The following MLLT3 variants were observed in gnomAD, a reference collection of about 807,000 sequenced individuals.
MLLT3 encodes the protein MLLT3 super elongation complex subunit, also known as protein AF-9.
In MLLT3, 4 loss-of-function variants were observed where a neutral mutation model predicts 53.2. The observed-to-expected ratio is 0.08, with a 90% CI of 0.04 to 0.17. The LOEUF (loss-of-function observed/expected upper bound fraction) is 0.17, where lower values mean the gene tolerates loss of function less well. Ranked by LOEUF, MLLT3 falls within the 10% of genes least tolerant of loss-of-function variation. The pLI is 1.00. For synonymous variants in MLLT3, 283 were observed against 230.6 expected (o/e 1.23, Z -2.06); for missense variants, 569 against 684.0 (o/e 0.83, Z 1.87).
chr9:20,344,692 C>T lies in MLLT3; in HGVS notation c.*1751G>A, dbSNP rs967960715. ...TAATTTTTTAAAGGAAAAATAGTTT[C>T]TTTGGATAGAAAGAAACAGTGTAAA... On this transcript the variant is annotated 3_prime_UTR_variant, in exon 11 of 11. Coordinates refer to ENST00000380338, the MANE Select transcript of MLLT3 (RefSeq NM_004529.4). 4.8e-6 allele frequency: 1 copy of T among 206,604 alleles called. No individual in the cohort carries two copies. The highest frequency in any genetic ancestry group is 2.3e-5 in the African/African-American group (1 of 43,904). The allele number at this position is 206,604 out of a possible 1,614,324, so 12.8% of individuals were successfully genotyped here.
chr9:20,421,831 A>G (rs1273238801), intron 4 of MLLT3, among the ~76,000 whole-genome samples: 2 of 152,174 alleles, frequency 1.3e-5, no homozygotes, highest in African/African-American at 4.8e-5. Context: ...CAACCCATCA[A>G]TTGGCAGAGA....
In MLLT3 at chr9:20,524,619, T is replaced by A. The variant is rs930774206; in HGVS notation, c.194-67833A>T. 6.6e-5 allele frequency among the ~76,000 whole-genome samples: 10 copies of A among 152,276 alleles called. No individual in the cohort carries two copies. The South Asian group carries it at 1.5e-3, about 22-fold the overall frequency. On this transcript the variant is annotated intron_variant, in intron 2 of 10. Transcript: ENST00000380338. Reference sequence around the variant, plus strand: ...GCAATTCTCCCAGAAATAACATTTTTAAATAAAAATAGTAAATAAAAATTA... The same window carrying A: ...GCAATTCTCCCAGAAATAACATTTTAAAATAAAAATAGTAAATAAAAATTA...
chr9:20,357,307 A>C (rs1442084242), intron 8 of MLLT3, among the ~76,000 whole-genome samples: 1 of 152,204 alleles, frequency 6.6e-6, no homozygotes, highest in Non-Finnish European at 1.5e-5. Context: ...TTTTTGTTTG[A>C]AATTCACATA....
intron 2 of MLLT3, among the ~76,000 whole-genome samples, chr9:20,541,483 T>C (rs1040467256): frequency 3.3e-5 from 5 of 152,188 alleles, no homozygotes; most frequent in Admixed American, 6.5e-5. Flanking sequence ...CTTACAATCA[T>C]GGCAGAGAGA....
intron 2 of MLLT3, among the ~76,000 whole-genome samples, chr9:20,563,334 A>G (rs1819266159): frequency 6.6e-6 from 1 of 152,046 alleles, no homozygotes; most frequent in Non-Finnish European, 1.5e-5. Context: ...CAGGTGAACT[A>G]AGAATACCTT....
At chr9:20,408,403 C>T (rs1231453045) in intron 5 of MLLT3, among the ~76,000 whole-genome samples, 8 of 151,792 alleles carry the variant, frequency 5.3e-5, no homozygotes, top group South Asian at 2.1e-4. Flanking sequence ...AAAAAAAATG[C>T]GTTAGAAAAT....
intron 2 of MLLT3, among the ~76,000 whole-genome samples, chr9:20,569,298 C>A (rs553890948): frequency 1.3e-5 from 2 of 152,188 alleles, no homozygotes; most frequent in South Asian, 4.2e-4. Flanking sequence ...TCGGAGAAAC[C>A]AGGTAACCTG....
chr9:20,470,224 A>G (rs967678724), intron 2 of MLLT3, among the ~76,000 whole-genome samples: 1 of 151,984 alleles, frequency 6.6e-6, no homozygotes. Flanking sequence ...GCTCTAGGAA[A>G]ATGTGGAAAG....
intron 2 of MLLT3, among the ~76,000 whole-genome samples, chr9:20,571,848 C>G (rs1480155532): frequency 6.6e-6 from 1 of 152,182 alleles, no homozygotes; most frequent in Non-Finnish European, 1.5e-5. Context: ...TCTGTTAGAA[C>G]AGTTTTTGTC....
rs144734490 is a variant in MLLT3, at chr9:20,515,575, G to A, written c.194-58789C>T. 5.0e-3 allele frequency among the ~76,000 whole-genome samples: 756 copies of A among 152,306 alleles called. 4 individuals are homozygous for A. Among genetic ancestry groups the A allele is most frequent in the African/African-American group, 0.016 (668 of 41,562 alleles). ...ATGGCCAGAGACTGTGAGATCATTA[G>A]TCCCTTTTTCTCCCCATACTCACCG... On this transcript the variant is annotated intron_variant, in intron 2 of 10. Coordinates refer to ENST00000380338, the MANE Select transcript of MLLT3 (RefSeq NM_004529.4).
At chr9:20,443,811 A>C (rs548822300) in intron 4 of MLLT3, among the ~76,000 whole-genome samples, 22 of 152,332 alleles carry the variant, frequency 1.4e-4, no homozygotes, top group Non-Finnish European at 2.2e-4. Flanking sequence ...CACGTTCCCT[A>C]TGAGGAAAAC....
At chr9:20,548,157 A>G (rs983043366) in intron 2 of MLLT3, among the ~76,000 whole-genome samples, 7 of 152,238 alleles carry the variant, frequency 4.6e-5, no homozygotes, top group Non-Finnish European at 1.0e-4. Flanking sequence ...TTAAGTTTAA[A>G]ATTAAATGAA....
intron 2 of MLLT3, among the ~76,000 whole-genome samples, chr9:20,469,188 T>C (rs543221839): frequency 2.0e-5 from 3 of 152,264 alleles, no homozygotes; most frequent in South Asian, 4.1e-4. Flanking sequence ...AACCAGCAAT[T>C]TGATTCCTCA....
At chr9:20,422,709 G>A (rs756103647) in intron 4 of MLLT3, among the ~76,000 whole-genome samples, 18 of 152,246 alleles carry the variant, frequency 1.2e-4, no homozygotes, top group Non-Finnish European at 1.8e-4. Flanking sequence ...AATAGCAGCC[G>A]CAAAGAGTAG....
chr9:20,528,085 A>C (rs1312377115), intron 2 of MLLT3, among the ~76,000 whole-genome samples: 4 of 152,226 alleles, frequency 2.6e-5, no homozygotes, highest in African/African-American at 9.6e-5. Flanking sequence ...CATTTGGTAC[A>C]TGTTCATTAA....
intron 2 of MLLT3, among the ~76,000 whole-genome samples, chr9:20,589,587 TAA>T (rs10609995): frequency 0.35 from 53,077 of 149,632 alleles, 9,402 homozygotes; most frequent in South Asian, 0.43. Context: ...AGTATAATAA[TAA>T]AAAAAAAAAG....
At chr9:20,347,659 G>A (rs1820910809) in intron 10 of MLLT3, among the ~76,000 whole-genome samples, 1 of 152,072 alleles carries the variant, frequency 6.6e-6, no homozygotes, top group African/African-American at 2.4e-5. Flanking sequence ...AGTGTATTGG[G>A]CACAGCGTTT....
In MLLT3 at chr9:20,620,688, G is replaced by A. The variant is rs750389320; in HGVS notation, c.159C>T (p.Phe53=). 25 of 1,614,078 alleles carry A rather than the reference G, an allele frequency of 1.5e-5. No individual in the cohort carries two copies. Among genetic ancestry groups the A allele is most frequent in the Non-Finnish European group, 2.1e-5 (25 of 1,180,014 alleles). The change falls in exon 2 of 11, where the codon TTC becomes TTT. Residue 53 remains phenylalanine, a synonymous_variant. Transcript: ENST00000380338. The surrounding 1 kb of genome is among the most constrained non-coding windows in gnomAD (Gnocchi z 6.1). Reference sequence around the variant, plus strand: ...GCCTAGGAAAGCTTTCGTGCAAGTGGAAGACGACTTTCTCCACAAAGTGCT... The same window carrying A: ...GCCTAGGAAAGCTTTCGTGCAAGTGAAAGACGACTTTCTCCACAAAGTGCT... The part of the protein sequence containing the change: ...NIQHFVEKVV[F]HLHESFPRPK...
chr9:20,414,656 T>A (rs1822827794), intron 4 of MLLT3, among the ~76,000 whole-genome samples: 3 of 152,226 alleles, frequency 2.0e-5, no homozygotes, highest in South Asian at 4.1e-4. Context: ...GCTGTTTTCT[T>A]AATCATCTGA....
Sources: allele counts gnomAD v4.1 joint callset (sites outside exome capture counted in the v4.1 genomes callset), GRCh38; gene constraint gnomAD v4.1.1; non-coding constraint Gnocchi (gnomAD v3.1); transcripts MANE v1.5; gene names NCBI Gene and HGNC (gene_info 2026-07-23, HGNC 2026-07-21).